Variants in LIMCH1 observed in about 807,000 individuals in gnomAD.
LIMCH1 encodes the protein LIM and calponin homology domains-containing protein 1.
In LIMCH1, 113 loss-of-function variants were observed where a neutral mutation model predicts 176.5. That is an observed-to-expected ratio of 0.64 (90% CI 0.55 to 0.75). The LOEUF (loss-of-function observed/expected upper bound fraction) is 0.75. Among genes scored for constraint, LIMCH1 ranks in the 30% least tolerant of loss-of-function variants. LIMCH1 has a pLI of 0.00. For synonymous variants in LIMCH1, 619 were observed against 645.9 expected (o/e 0.96, Z 0.63); for missense variants, 1,674 against 1,814.9 (o/e 0.92, Z 1.41).
At chr4:41,636,518 C>T (rs576822463) in intron 13 of LIMCH1, among the ~76,000 whole-genome samples, 16 of 151,954 alleles carry the variant, frequency 1.1e-4, no homozygotes, top group African/African-American at 3.9e-4. Flanking sequence ...TCCTTAAACC[C>T]CCAGTACATA....
intron 27 of LIMCH1, among the ~76,000 whole-genome samples, chr4:41,685,017 T>C (rs187701109): frequency 6.6e-6 from 1 of 152,112 alleles, no homozygotes; most frequent in Non-Finnish European, 1.5e-5. Flanking sequence ...ATGATCAAAT[T>C]CTACATGCCG....
intron 4 of LIMCH1, among the ~76,000 whole-genome samples, chr4:41,612,089 T>C (rs1226488488): frequency 6.6e-6 from 1 of 152,200 alleles, no homozygotes; most frequent in Non-Finnish European, 1.5e-5. Flanking sequence ...GTCTGGAGGC[T>C]GCAGGGTGCT....
chr4:41,365,414 G>T (rs769779264), intron 1 of LIMCH1, among the ~76,000 whole-genome samples: 1 of 152,202 alleles, frequency 6.6e-6, no homozygotes, highest in Non-Finnish European at 1.5e-5. Flanking sequence ...TGCTTGTGTT[G>T]TTTGGCAGTA....
Position 41,382,046 on chromosome 4 carries a change from T to C in LIMCH1, c.96+21110T>C, listed in dbSNP as rs16853158. On this transcript the variant is annotated intron_variant, in intron 1 of 26. Coordinates refer to the LIMCH1 transcript ENST00000313860. ...TGATTGAGAACTTGTGCTCCAGACT[T>C]ATGAGTGCGTCCAGCTAAGATCAGC... Among the ~76,000 whole-genome samples the C allele has an allele frequency of 4.1e-3, 625 of 152,324 alleles. 5 individuals are homozygous for C. Among genetic ancestry groups the C allele is most frequent in the African/African-American group, 0.014 (589 of 41,570 alleles).
intron 1 of LIMCH1, among the ~76,000 whole-genome samples, chr4:41,423,273 G>C (rs984746506): frequency 2.0e-5 from 3 of 152,186 alleles, no homozygotes; most frequent in African/African-American, 7.2e-5. Flanking sequence ...TCTTTTCAGG[G>C]AAAGCCTTTT....
intron 1 of LIMCH1, among the ~76,000 whole-genome samples, chr4:41,403,321 C>A (rs1455770256): frequency 1.3e-5 from 2 of 152,148 alleles, no homozygotes; most frequent in Non-Finnish European, 2.9e-5. Context: ...TGGTTCACAA[C>A]TGTAATCCCA....
chr4:41,623,622 G>A lies in LIMCH1; in HGVS notation c.725+2932G>A, dbSNP rs147753455. ...AAAGTACCAAAAAAATTAGCCAGGC[G>A]TGGTGGCATAGGCCTGTAATCCCAG... On this transcript the variant is annotated intron_variant, in intron 7 of 31. Coordinates refer to ENST00000503057, the MANE Select transcript of LIMCH1 (RefSeq NM_001330672.2). Among the ~76,000 whole-genome samples, 916 of 152,214 alleles carry A rather than the reference G, an allele frequency of 6.0e-3. 9 individuals are homozygous for A. Among genetic ancestry groups the A allele is most frequent in the African/African-American group, 0.019 (794 of 41,538 alleles).
At chr4:41,690,320 A>T (rs1216372652) in intron 30 of LIMCH1, among the ~76,000 whole-genome samples, 1 of 152,174 alleles carries the variant, frequency 6.6e-6, no homozygotes, top group Non-Finnish European at 1.5e-5. Context: ...GTCAATAAAT[A>T]TTTTTACGTG....
At chr4:41,361,499 C>A (rs572326951) in intron 1 of LIMCH1, among the ~76,000 whole-genome samples, 8 of 152,202 alleles carry the variant, frequency 5.3e-5, no homozygotes, top group Non-Finnish European at 1.0e-4. Flanking sequence ...GTGCGCAGGG[C>A]GGGGGTAGCT....
At chr4:41,375,806 A>G (rs1051383036) in intron 1 of LIMCH1, among the ~76,000 whole-genome samples, 4 of 152,256 alleles carry the variant, frequency 2.6e-5, no homozygotes, top group Non-Finnish European at 4.4e-5. Context: ...AGTACGGGAA[A>G]GAGGAGTAAA....
intron 1 of LIMCH1, among the ~76,000 whole-genome samples, chr4:41,418,265 A>T (rs1306372462): frequency 1.3e-5 from 2 of 152,226 alleles, no homozygotes; most frequent in African/African-American, 4.8e-5. Flanking sequence ...TCTGACTTTC[A>T]AAAATTTAAT....
At chr4:41,561,588 T>A (rs911322253) in intron 1 of LIMCH1, among the ~76,000 whole-genome samples, 6 of 152,206 alleles carry the variant, frequency 3.9e-5, no homozygotes, top group African/African-American at 1.4e-4. Flanking sequence ...TTGTGTGCCT[T>A]ATCTCATATG....
chr4:41,503,004 TCC>T (rs771769454), intron 2 of LIMCH1, among the ~76,000 whole-genome samples: 12,404 of 147,152 alleles, frequency 0.084, 803 homozygotes, highest in African/African-American at 0.18. Context: ...TGTCTGTCCA[TCC>T]ATCCATCCAT....
chr4:41,684,539 T>C (rs1187381120), intron 27 of LIMCH1, 21 bp downstream of exon 27: 1 of 1,610,582 alleles, frequency 6.2e-7, no homozygotes, highest in Non-Finnish European at 8.5e-7. Context: ...AGAAGACCAG[T>C]TTCATTCAAT....
chr4:41,363,288 G>C (rs1431646789), intron 1 of LIMCH1, among the ~76,000 whole-genome samples: 1 of 152,294 alleles, frequency 6.6e-6, no homozygotes, highest in East Asian at 1.9e-4. Context: ...CGGGTGGGGG[G>C]GCGGATTGGG....
At chr4:41,677,013 A>C (rs750252824) in intron 23 of LIMCH1, among the ~76,000 whole-genome samples, 5 of 152,034 alleles carry the variant, frequency 3.3e-5, no homozygotes, top group Non-Finnish European at 7.4e-5. Flanking sequence ...AAATACAAAA[A>C]TTAGCTGGGC....
chr4:41,605,822 T>C, intron 3 of LIMCH1, 72 bp from the exon 4 acceptor site: 1 of 871,124 alleles, frequency 1.1e-6, no homozygotes, highest in Non-Finnish European at 1.9e-6. Flanking sequence ...CTGTTAGTGG[T>C]ACATTATTGA....
intron 19 of LIMCH1, chr4:41,662,044 C>T (rs1281081357): frequency 9.9e-6 from 2 of 201,964 alleles, no homozygotes; most frequent in Non-Finnish European, 2.1e-5. Flanking sequence ...ATGTTTAACA[C>T]TTTTCTTCTT....
chr4:41,398,639 A>G (rs1028722389), intron 1 of LIMCH1, among the ~76,000 whole-genome samples: 5 of 152,208 alleles, frequency 3.3e-5, no homozygotes, highest in Admixed American at 3.3e-4. Context: ...TAGGTTCTGC[A>G]CAAGGTAGCT....
Sources: gnomAD v4.1 joint callset for allele counts (sites outside exome capture counted in the v4.1 genomes callset) on GRCh38, gnomAD v4.1.1 for gene constraint, MANE v1.5 for transcripts, NCBI Gene and HGNC (gene_info 2026-07-23, HGNC 2026-07-21) for gene names.